The following TUB variants were observed in gnomAD, a reference collection of about 807,000 sequenced individuals.
TUB encodes TUB bipartite transcription factor.
In TUB, 33 loss-of-function variants were observed where a neutral mutation model predicts 59.7. The ratio of observed to expected loss-of-function variants is 0.55; its 90% confidence interval spans 0.42 to 0.74. The LOEUF (loss-of-function observed/expected upper bound fraction) is 0.74. Among genes scored for constraint, TUB ranks in the 30% least tolerant of loss-of-function variants. The pLI is 0.00. For synonymous variants in TUB, 293 were observed against 256.4 expected (o/e 1.14, Z -1.36); for missense variants, 659 against 672.0 (o/e 0.98, Z 0.21).
intron 1 of TUB, among the ~76,000 whole-genome samples, chr11:8,025,549 C>T (rs1171724343): frequency 3.9e-5 from 6 of 152,164 alleles, no homozygotes; most frequent in African/African-American, 1.2e-4. Context: ...GATTCGTTTC[C>T]TAGAGTTTTG....
chr11:8,039,703 G>A lies in TUB; in HGVS notation c.203+11G>A, dbSNP rs574187885. ...AAGGGAGATCGCTCGGTGAGCTGGAGGGGAGGAGGGCGTGCCGGCCCTGGG... is the reference window on the plus strand; with the variant it reads ...AAGGGAGATCGCTCGGTGAGCTGGAAGGGAGGAGGGCGTGCCGGCCCTGGG... On this transcript the variant is annotated intron_variant, in intron 2 of 12. Transcript: ENST00000305253. 7.9e-6 allele frequency: 12 copies of A among 1,527,586 alleles called. No homozygotes were observed. In the East Asian group the frequency reaches 9.9e-5, roughly 13 times the overall value. 94.6% of individuals were successfully genotyped at this position (1,527,586 alleles called of 1,614,324 possible). A position where few individuals can be genotyped will look rare whatever the true frequency, so the allele number is the denominator to read the frequency against.
chr11:8,081,555 G>T lies in TUB; in HGVS notation c.38+7G>T, dbSNP rs761317733. ...CCGACTGGATTCCCTACAGGTACGCGGGCGCCGGGCCGGGGCGCCCACCAC... is the reference window on the plus strand; with the variant it reads ...CCGACTGGATTCCCTACAGGTACGCTGGCGCCGGGCCGGGGCGCCCACCAC... On this transcript the variant is annotated splice_region_variant and intron_variant, in intron 1 of 11. Transcript: ENST00000299506. The T allele has an allele frequency of 1.9e-6, 3 of 1,541,060 alleles. No individual in the cohort carries two copies. The highest frequency in any genetic ancestry group is 2.8e-5 in the African/African-American group (2 of 70,212).
Position 8,081,546 on chromosome 11 carries a change from C to T in TUB, c.36C>T (p.Tyr12=), listed in dbSNP as rs759622695. 3.9e-6 allele frequency: 6 copies of T among 1,548,486 alleles called. No homozygotes were observed. Among genetic ancestry groups the T allele is most frequent in the African/African-American group, 1.4e-5 (1 of 70,474 alleles). ...TSKPHSDWIP[Y]SVLDDEGRNL... is the part of the protein sequence containing the mutation. ...AGCCGCATTCCGACTGGATTCCCTACAGGTACGCGGGCGCCGGGCCGGGGC... is the reference window on the plus strand; with the variant it reads ...AGCCGCATTCCGACTGGATTCCCTATAGGTACGCGGGCGCCGGGCCGGGGC... The change falls in exon 1 of 12, where the codon TAC becomes TAT. Residue 12 remains tyrosine (Y), a splice_region_variant and synonymous_variant. Transcript: ENST00000299506.
At chr11:8,070,101 C>T (rs916016534) in intron 2 of TUB, among the ~76,000 whole-genome samples, 2 of 152,174 alleles carry the variant, frequency 1.3e-5, no homozygotes, top group Non-Finnish European at 2.9e-5. Context: ...TCTTGGGGCT[C>T]GCCCTCCTTT....
At chr11:8,048,681 C>T (rs1942878388) in intron 2 of TUB, among the ~76,000 whole-genome samples, 1 of 152,170 alleles carries the variant, frequency 6.6e-6, no homozygotes, top group South Asian at 2.1e-4. Context: ...GCTGGGATTA[C>T]AGGCATGAGC....
In TUB at chr11:8,104,046, G is replaced by C. The variant is rs1281851587; in HGVS notation, c.*2427G>C. 3 of 152,262 alleles carry C rather than the reference G, an allele frequency of 2.0e-5. No individual in the cohort carries two copies. The highest frequency in any genetic ancestry group is 7.2e-5 in the African/African-American group (3 of 41,468). The allele number at this position is 152,262 out of a possible 1,614,324, so 9.4% of individuals were successfully genotyped here. A position where few individuals can be genotyped will look rare whatever the true frequency, so the allele number is the denominator to read the frequency against. ...GAATGACAAGCATCAGTAGCTGAGT[G>C]CACTCCTGGTGATCCTGGTTTTCCT... On this transcript the variant is annotated 3_prime_UTR_variant, in exon 12 of 12. Transcript: ENST00000299506.
At chr11:8,024,656 CA>C (rs1459215851) in intron 1 of TUB, among the ~76,000 whole-genome samples, 1 of 152,124 alleles carries the variant, frequency 6.6e-6, no homozygotes, top group Non-Finnish European at 1.5e-5. Flanking sequence ...TTGTGTTGAA[CA>C]TCTTGTATAT....
At chr11:8,073,866 C>T (rs990943408) in intron 2 of TUB, among the ~76,000 whole-genome samples, 8 of 151,424 alleles carry the variant, frequency 5.3e-5, no homozygotes, top group African/African-American at 1.5e-4. Flanking sequence ...GCCTAGGAAG[C>T]ACTCAGCAAA....
chr11:8,030,821 G>A (rs1942560482), intron 1 of TUB, among the ~76,000 whole-genome samples: 1 of 152,102 alleles, frequency 6.6e-6, no homozygotes, highest in African/African-American at 2.4e-5. Flanking sequence ...TCTTTGCAAG[G>A]TCACGTTCCT....
Position 8,103,182 on chromosome 11 carries a change from G to C in TUB, c.*1563G>C, listed in dbSNP as rs1015905031. 2 of 152,210 alleles carry C rather than the reference G, an allele frequency of 1.3e-5. No individual in the cohort carries two copies. Among genetic ancestry groups the C allele is most frequent in the Non-Finnish European group, 2.9e-5 (2 of 68,070 alleles). 9.4% of individuals were successfully genotyped at this position (152,210 alleles called of 1,614,324 possible). On this transcript the variant is annotated 3_prime_UTR_variant, in exon 12 of 12. Coordinates refer to ENST00000299506, the MANE Select transcript of TUB (RefSeq NM_177972.3). ...GAGTGCATAAAGGTTCTGGGGCTGG[G>C]CCTGAGCCTAACTCCCTCCACTACC...
At chr11:8,036,856 T>A (rs1489509356), upstream of TUB, among the ~76,000 whole-genome samples, 1 of 152,180 alleles carries the variant, frequency 6.6e-6, no homozygotes, top group Non-Finnish European at 1.5e-5. Flanking sequence ...AGAATGGACC[T>A]CCCTGGAGGA....
At chr11:8,060,604 T>C (rs1943104380) in intron 2 of TUB, among the ~76,000 whole-genome samples, 2 of 152,054 alleles carry the variant, frequency 1.3e-5, no homozygotes, top group South Asian at 4.1e-4. Context: ...CCCAGAAGCA[T>C]CTCCAGGAAG....
At chr11:8,062,158 G>T (rs892683309) in intron 2 of TUB, 1 of 152,572 alleles carries the variant, frequency 6.6e-6, no homozygotes, top group African/African-American at 2.4e-5. Context: ...GGCCACACCA[G>T]TGGCCGGGGT....
intron 3 of TUB, among the ~76,000 whole-genome samples, chr11:8,091,805 C>T (rs1302307027): frequency 1.3e-5 from 2 of 152,200 alleles, no homozygotes; most frequent in African/African-American, 4.8e-5. Context: ...GCAGCCAGCT[C>T]CTCCACTTCC....
intron 1 of TUB, among the ~76,000 whole-genome samples, chr11:8,086,984 C>G (rs1229975417): frequency 2.0e-5 from 3 of 152,230 alleles, no homozygotes; most frequent in African/African-American, 7.2e-5. Flanking sequence ...TCTCCCCCAT[C>G]AGGAAATGGA....
intron 3 of TUB, among the ~76,000 whole-genome samples, chr11:8,093,475 T>C (rs76445251): frequency 0.014 from 2,203 of 152,236 alleles, 45 homozygotes; most frequent in African/African-American, 0.051. Context: ...GGTTCTGCAG[T>C]ATGGAGAATT....
In TUB at chr11:8,046,072, G is replaced by A. The variant is rs1024618954; in HGVS notation, c.203+6380G>A. On this transcript the variant is annotated intron_variant, in intron 2 of 12. Transcript: ENST00000305253. ...ACAGGCCTCCGAAGCACATTTGTGC[G>A]TTATCTCCCTCCCCTCCCTCCATCC... 3.9e-5 allele frequency among the ~76,000 whole-genome samples: 6 copies of A among 152,218 alleles called. No individual in the cohort carries two copies. In the South Asian group the frequency reaches 8.3e-4, roughly 21 times the overall value.
intron 1 of TUB, among the ~76,000 whole-genome samples, chr11:8,032,066 C>CTCCCACT (rs1564896748): frequency 6.6e-6 from 1 of 151,992 alleles, no homozygotes; most frequent in East Asian, 1.9e-4. Flanking sequence ...GGGGAGCAGC[C>CTCCCACT]GCGACTGCAC....
At position 8,090,097 on chromosome 11, in the gene TUB, A is replaced by G; in HGVS notation, c.119A>G (p.Lys40Arg). 6.2e-7 allele frequency: 1 copy of G among 1,611,856 alleles called. No individual in the cohort carries two copies. Among genetic ancestry groups the G allele is most frequent in the Non-Finnish European group, 8.5e-7 (1 of 1,179,068 alleles). The change falls in exon 3 of 12, where the codon AAG becomes AGG. Residue 40 changes from lysine to arginine, a missense_variant. Physicochemically the swap from Lys to Arg is conservative, Grantham distance 26 (BLOSUM62 2). Transcript: ENST00000299506. ...GCCCTGCTGGAGCAGAAGCAGAAGA[A>G]GAAGCGCCAGGAGCCCCTGATGGTG... ...QRALLEQKQK[K>R]KRQEPLMVQA... is the part of the protein sequence containing the mutation.
Sources: gnomAD v4.1 joint callset for allele counts (sites outside exome capture counted in the v4.1 genomes callset) on GRCh38, gnomAD v4.1.1 for gene constraint, MANE v1.5 for transcripts, NCBI Gene and HGNC (gene_info 2026-07-23, HGNC 2026-07-21) for gene names.